The following MAN2A1 variants were observed in gnomAD, a reference collection of about 807,000 sequenced individuals.
MAN2A1 encodes mannosidase alpha class 2A member 1.
Under a neutral mutation model 142.6 loss-of-function variants are expected in MAN2A1, and 76 were observed. That is an observed-to-expected ratio of 0.53 (90% CI 0.44 to 0.65). MAN2A1 has a LOEUF of 0.65. Ranked by LOEUF, MAN2A1 falls within the 30% of genes least tolerant of loss-of-function variation. The probability of loss-of-function intolerance (pLI) is 0.00; values close to 1 mark genes in which losing one functional copy is unlikely to be tolerated. For missense variants in MAN2A1, 1,311 were observed against 1,365.1 expected (o/e 0.96, Z 0.62); for synonymous variants, 559 against 473.2 (o/e 1.18, Z -2.35).
At chr5:109,819,925 A>C (rs1368941124) in intron 14 of MAN2A1, 38 bp downstream of exon 14, 1 of 1,388,962 alleles carries the variant, frequency 7.2e-7, no homozygotes, top group East Asian at 2.3e-5. Flanking sequence ...TAGAATGCTT[A>C]TCATTTTTGC....
In MAN2A1 at chr5:109,858,267, T is replaced by A. The variant is rs373880389; in HGVS notation, c.3171+2933T>A. 9.2e-5 allele frequency among the ~76,000 whole-genome samples: 14 copies of A among 152,336 alleles called. 1 individual carries two copies. The highest frequency in any genetic ancestry group is 2.6e-4 in the Admixed American group (4 of 15,306). Reference sequence around the variant, plus strand: ...ACTCTTAGCACATATTTATAACAGTTGTTTAAAAGCCCACTAGTAATCCAA... The same window carrying A: ...ACTCTTAGCACATATTTATAACAGTAGTTTAAAAGCCCACTAGTAATCCAA... On this transcript the variant is annotated intron_variant, in intron 20 of 21. Transcript: ENST00000261483.
intron 12 of MAN2A1, among the ~76,000 whole-genome samples, chr5:109,801,989 TAA>T (rs1754044040): frequency 6.6e-6 from 1 of 152,204 alleles, no homozygotes; most frequent in Admixed American, 6.5e-5. Context: ...GGGCCTATGT[TAA>T]AATATAGTTC....
intron 16 of MAN2A1, among the ~76,000 whole-genome samples, chr5:109,835,071 C>A (rs1346613857): frequency 2.6e-5 from 4 of 152,000 alleles, no homozygotes; most frequent in African/African-American, 9.7e-5. Context: ...TTCATATAAG[C>A]ATACTTATCG....
At chr5:109,725,655 G>A (rs1325914876) in intron 3 of MAN2A1, among the ~76,000 whole-genome samples, 1 of 152,122 alleles carries the variant, frequency 6.6e-6, no homozygotes, top group African/African-American at 2.4e-5. Context: ...TAGAGTCCAG[G>A]GCTCAGGGCC....
intron 13 of MAN2A1, among the ~76,000 whole-genome samples, chr5:109,819,165 T>C (rs964118037): frequency 6.6e-6 from 1 of 152,248 alleles, no homozygotes; most frequent in Non-Finnish European, 1.5e-5. Context: ...GTATAAAATA[T>C]GATTTGTGTT....
chr5:109,698,708 C>G (rs2112541131), intron 1 of MAN2A1, among the ~76,000 whole-genome samples: 1 of 152,298 alleles, frequency 6.6e-6, no homozygotes, highest in African/African-American at 2.4e-5. Flanking sequence ...TATGTTCTTG[C>G]TGGTGCACTT....
chr5:109,845,862 T>C lies in MAN2A1; in HGVS notation c.2701-3T>C. On this transcript the variant is annotated splice_polypyrimidine_tract_variant and splice_region_variant and intron_variant, in intron 17 of 21. Coordinates refer to ENST00000261483, the MANE Select transcript of MAN2A1 (RefSeq NM_002372.4). ...TTGTAGATGGAATTGTTGTGTTTTA[T>C]AGATTCAACCTAGAATGACACTGAG... 6.2e-7 allele frequency: 1 copy of C among 1,608,516 alleles called. No homozygotes were observed. The highest frequency in any genetic ancestry group is 8.5e-7 in the Non-Finnish European group (1 of 1,177,568).
At chr5:109,775,146 A>C (rs1041955518) in intron 8 of MAN2A1, among the ~76,000 whole-genome samples, 181 bp downstream of exon 8, 1 of 152,146 alleles carries the variant, frequency 6.6e-6, no homozygotes. Context: ...TCCATATCTA[A>C]AGTTGTCCCG....
In MAN2A1 at chr5:109,825,224, C is replaced by CT. The variant is rs571963499; in HGVS notation, c.2566+1390dup. Reference sequence around the variant, plus strand: ...TGAGAGCTCTAAGTTACATCTTCAACTTTATAGCATTACCCCACAGAAGAT... The same window carrying CT: ...TGAGAGCTCTAAGTTACATCTTCAACTTTTATAGCATTACCCCACAGAAGAT... On this transcript the variant is annotated intron_variant, in intron 16 of 21. Coordinates refer to ENST00000261483, the MANE Select transcript of MAN2A1 (RefSeq NM_002372.4). 1.7e-3 allele frequency among the ~76,000 whole-genome samples: 265 copies of CT among 152,262 alleles called. 1 individual carries two copies. The highest frequency in any genetic ancestry group is 4.3e-3 in the Admixed American group (66 of 15,296).
rs1049138955 is a variant in MAN2A1 at position 109,845,798 on chromosome 5, T to C, written c.2701-67T>C. 2.2e-5 allele frequency: 29 copies of C among 1,297,952 alleles called. 1 individual carries two copies. In the African/African-American group the frequency reaches 4.4e-4, roughly 20 times the overall value. 80.4% of individuals were successfully genotyped at this position (1,297,952 alleles called of 1,614,324 possible). A position where few individuals can be genotyped will look rare whatever the true frequency, so the allele number is the denominator to read the frequency against. ...TTCTCTTGGGAAGAAAAATCACCTG[T>C]CCTCAAGTTTTTAAAAGAACATATG... On this transcript the variant is annotated intron_variant, in intron 17 of 21. Transcript: ENST00000261483.
chr5:109,859,296 T>G (rs983277317), intron 20 of MAN2A1, among the ~76,000 whole-genome samples: 3 of 152,222 alleles, frequency 2.0e-5, no homozygotes, highest in African/African-American at 7.2e-5. Context: ...TGCTCTATAT[T>G]AGTAGATGAG....
chr5:109,799,071 C>T (rs369642820), intron 12 of MAN2A1, among the ~76,000 whole-genome samples: 92 of 152,216 alleles, frequency 6.0e-4, no homozygotes, highest in African/African-American at 2.1e-3. Flanking sequence ...TGCTACTGTC[C>T]CTCCACTGGG....
chr5:109,748,832 T>C (rs902149904), intron 4 of MAN2A1, among the ~76,000 whole-genome samples: 1 of 151,988 alleles, frequency 6.6e-6, no homozygotes, highest in Admixed American at 6.6e-5. Context: ...TGTATAGATA[T>C]GTGTCAACAA....
intron 20 of MAN2A1, chr5:109,864,402 AT>A (rs1755830243): frequency 1.3e-5 from 2 of 152,210 alleles, no homozygotes; most frequent in Admixed American, 6.5e-5. Flanking sequence ...CATGTTTAGT[AT>A]TTTTATTTTT....
chr5:109,799,307 G>T (rs139965199), intron 12 of MAN2A1, among the ~76,000 whole-genome samples: 1 of 152,038 alleles, frequency 6.6e-6, no homozygotes, highest in East Asian at 1.9e-4. Context: ...TTTGTCTCTC[G>T]CATCATCTCT....
At chr5:109,830,984 G>C (rs758959066) in intron 16 of MAN2A1, among the ~76,000 whole-genome samples, 1 of 152,166 alleles carries the variant, frequency 6.6e-6, no homozygotes, top group Non-Finnish European at 1.5e-5. Context: ...TACAAAGGTG[G>C]GTTGCACTGA....
intron 1 of MAN2A1, among the ~76,000 whole-genome samples, chr5:109,697,004 C>A (rs1452913546): frequency 6.6e-6 from 1 of 152,132 alleles, no homozygotes; most frequent in Non-Finnish European, 1.5e-5. Flanking sequence ...TAAAAAAATT[C>A]TTTTCCAATT....
chr5:109,857,715 A>G (rs1755659697), intron 20 of MAN2A1, among the ~76,000 whole-genome samples: 1 of 152,112 alleles, frequency 6.6e-6, no homozygotes, highest in South Asian at 2.1e-4. Context: ...ATTTTCTTGT[A>G]ATACAAATCT....
Position 109,849,619 on chromosome 5 carries a change from C to T in MAN2A1, c.2976+1829C>T, listed in dbSNP as rs573370599. Among the ~76,000 whole-genome samples, 226 of 152,218 alleles carry T rather than the reference C, an allele frequency of 1.5e-3. 9 individuals are homozygous for T. In the South Asian group the frequency reaches 0.046, roughly 31 times the overall value. On this transcript the variant is annotated intron_variant, in intron 19 of 21. Transcript: ENST00000261483. Reference sequence around the variant, plus strand: ...CACCACCCTAATCTAAAGTGACTTCCTGTATTTCCTGGGTCTAGCCTATAC... The same window carrying T: ...CACCACCCTAATCTAAAGTGACTTCTTGTATTTCCTGGGTCTAGCCTATAC...
Sources: allele counts gnomAD v4.1 joint callset (sites outside exome capture counted in the v4.1 genomes callset), GRCh38; gene constraint gnomAD v4.1.1; transcripts MANE v1.5; gene names NCBI Gene and HGNC (gene_info 2026-07-23, HGNC 2026-07-21).